WSB1: variants seen among roughly 807,000 people sequenced by gnomAD.
WSB1 encodes WD repeat and SOCS box-containing protein 1.
A neutral mutation model predicts 50.2 loss-of-function variants in WSB1; 23 were observed. That is an observed-to-expected ratio of 0.46 (90% confidence interval 0.33 to 0.65). The LOEUF (loss-of-function observed/expected upper bound fraction) is 0.65. Among genes scored for constraint, WSB1 ranks in the 30% least tolerant of loss-of-function variants. The pLI is 0.02. For missense variants in WSB1, 492 were observed against 522.3 expected (o/e 0.94, Z 0.56); for synonymous variants, 179 against 172.0 (o/e 1.04, Z -0.32).
At chr17:27,299,106 A>G (rs1212453837) in intron 1 of WSB1, among the ~76,000 whole-genome samples, 1 of 152,240 alleles carries the variant, frequency 6.6e-6, no homozygotes, top group Non-Finnish European at 1.5e-5. Flanking sequence ...AAAGGAACAA[A>G]TAAGGCTGTA....
At chr17:27,308,885 T>C in intron 5 of WSB1, 1 of 1,179,208 alleles carries the variant, frequency 8.5e-7, no homozygotes, top group Non-Finnish European at 1.0e-6. Context: ...AATTAACATT[T>C]AACAGAAACA....
At chr17:27,309,378 T>C (rs2017579790) in intron 6 of WSB1, 106 bp downstream of exon 6, 3 of 995,108 alleles carry the variant, frequency 3.0e-6, no homozygotes, top group Non-Finnish European at 4.3e-6. Flanking sequence ...CAGTCTATTC[T>C]AATTTAAAAT....
intron 4 of WSB1, 61 bp downstream of exon 4, chr17:27,304,972 A>G: frequency 6.3e-7 from 1 of 1,592,056 alleles, no homozygotes; most frequent in Non-Finnish European, 8.6e-7. Context: ...ATGGAGAGGT[A>G]TTGGGAACAT....
rs1400977199 is a variant in WSB1 at position 27,313,455 on chromosome 17, ACT to A, written c.*1089_*1090del. ...CATGGATTTAAAAAAAAAAAAAAAA[ACT>A]CTGTTTCTGCAGGGGATGATATTGG... On this transcript the variant is annotated 3_prime_UTR_variant, in exon 9 of 9. Coordinates refer to ENST00000262394, the MANE Select transcript of WSB1 (RefSeq NM_015626.10). The A allele has an allele frequency of 3.3e-5, 5 of 152,048 alleles. No individual in the cohort carries two copies. Among genetic ancestry groups the A allele is most frequent in the African/African-American group, 4.8e-5 (2 of 41,312 alleles). The allele number at this position is 152,048 out of a possible 1,614,324, so 9.4% of individuals were successfully genotyped here.
At chr17:27,298,680 G>A (rs1193441063) in intron 1 of WSB1, among the ~76,000 whole-genome samples, 2 of 151,938 alleles carry the variant, frequency 1.3e-5, no homozygotes, top group East Asian at 1.9e-4. Context: ...GTGAAACCCC[G>A]TCTCTACTAA....
At position 27,306,812 on chromosome 17, in the gene WSB1, A is replaced by G; in HGVS notation, c.641A>G (p.Gln214Arg). The change falls in exon 5 of 9, where the codon CAG becomes CGG. Residue 214 changes from glutamine to arginine, a missense_variant. Gln to Arg is a conservative substitution (Grantham distance 43). Transcript: ENST00000262394. ...GNMMKVLRGH[Q>R]NWVYSCAFSP... ...ATGATGAAAGTATTGAGGGGGCATC[A>G]GAATTGGGTGTACAGCTGTGCATTC... 1 of 1,614,194 alleles carries G rather than the reference A, an allele frequency of 6.2e-7. No homozygotes were observed. The highest frequency in any genetic ancestry group is 8.5e-7 in the Non-Finnish European group (1 of 1,180,032).
intron 4 of WSB1, among the ~76,000 whole-genome samples, chr17:27,305,113 G>A (rs1400876769): frequency 6.6e-6 from 1 of 152,148 alleles, no homozygotes; most frequent in Non-Finnish European, 1.5e-5. Context: ...ACAGTTATTC[G>A]AAGTAAATGA....
intron 3 of WSB1, chr17:27,303,896 T>C (rs2017338001): frequency 5.0e-6 from 2 of 399,128 alleles, no homozygotes; most frequent in South Asian, 5.6e-5. Context: ...GTTTAGTTAG[T>C]TGTCCTTTAT....
Position 27,298,427 on chromosome 17 carries a change from T to TA in WSB1, c.41-3352dup, listed in dbSNP as rs914353256. Among the ~76,000 whole-genome samples, 894 of 151,278 alleles carry TA rather than the reference T, an allele frequency of 5.9e-3. 8 individuals are homozygous for TA. Among genetic ancestry groups the TA allele is most frequent in the African/African-American group, 0.02 (808 of 41,234 alleles). On this transcript the variant is annotated intron_variant, in intron 1 of 8. Coordinates refer to ENST00000262394, the MANE Select transcript of WSB1 (RefSeq NM_015626.10). ...GATGTGGTTAAACAGGAATCCAAGT[T>TA]AAAAAAAAAGTGTGCCTGATGCAGT...
chr17:27,304,164 A>G (rs181647647), intron 3 of WSB1, among the ~76,000 whole-genome samples: 12 of 152,354 alleles, frequency 7.9e-5, no homozygotes, highest in Admixed American at 7.8e-4. Flanking sequence ...TTAAAGAAGC[A>G]TTAAAAGAAC....
Position 27,303,233 on chromosome 17 carries a change from A to G in WSB1, c.210-134A>G, listed in dbSNP as rs369643427. 154 of 997,706 alleles carry G rather than the reference A, an allele frequency of 1.5e-4. No individual in the cohort carries two copies. The African/African-American group carries it at 1.8e-3, about 12-fold the overall frequency. 61.8% of individuals were successfully genotyped at this position (997,706 alleles called of 1,614,324 possible). ...AATATCAACCTTTCCCTTCCTATCT[A>G]TAGGATTCTATTGTTATTTGGTGTC... On this transcript the variant is annotated intron_variant, in intron 2 of 8. Transcript: ENST00000262394.
At chr17:27,310,200 T>C (rs2017622530) in intron 7 of WSB1, 26 bp downstream of exon 7, 1 of 1,595,492 alleles carries the variant, frequency 6.3e-7, no homozygotes, top group East Asian at 2.2e-5. Context: ...ATAGCTTGAC[T>C]GACTTACTAT....
chr17:27,308,544 A>G (rs2017548675), intron 5 of WSB1: 1 of 985,734 alleles, frequency 1.0e-6, no homozygotes, highest in African/African-American at 1.7e-5. Flanking sequence ...TTGTTTGCCA[A>G]AGAAATTTCA....
At chr17:27,310,465 T>C (rs1410903121) in intron 7 of WSB1, among the ~76,000 whole-genome samples, 3 of 152,226 alleles carry the variant, frequency 2.0e-5, no homozygotes, top group African/African-American at 7.2e-5. Context: ...TAACAAAGGT[T>C]GAAGCAGAAG....
Position 27,310,197 on chromosome 17 carries a change from G to T in WSB1, c.998+23G>T. The T allele has an allele frequency of 1.9e-6, 3 of 1,600,900 alleles. No homozygotes were observed. In the South Asian group the frequency reaches 3.3e-5, roughly 18 times the overall value. On this transcript the variant is annotated intron_variant, in intron 7 of 8. Coordinates refer to ENST00000262394, the MANE Select transcript of WSB1 (RefSeq NM_015626.10). ...TAAGTAAGTATGTGCATTATAGCTT[G>T]ACTGACTTACTATTACCTTTTACAT... is the stretch of plus-strand genomic sequence containing the variant.
chr17:27,307,323 G>GT, intron 5 of WSB1: 1 of 216,354 alleles, frequency 4.6e-6, no homozygotes, highest in Non-Finnish European at 9.2e-6. Context: ...TAGCACTCAT[G>GT]TATGTCCTAC....
intron 5 of WSB1, chr17:27,308,006 C>G: frequency 8.2e-7 from 1 of 1,221,926 alleles, no homozygotes; most frequent in Non-Finnish European, 1.0e-6. Flanking sequence ...TACACTGACT[C>G]CTGAGTAAAT....
intron 5 of WSB1, chr17:27,307,663 A>G (rs923260667): frequency 1.1e-5 from 16 of 1,418,782 alleles, no homozygotes; most frequent in African/African-American, 4.3e-5. Flanking sequence ...TTTACAAATC[A>G]TAAGAAGAAC....
chr17:27,299,133 A>G (rs1284758248), intron 1 of WSB1, among the ~76,000 whole-genome samples: 1 of 152,212 alleles, frequency 6.6e-6, no homozygotes, highest in Non-Finnish European at 1.5e-5. Context: ...GGAAAATTGT[A>G]AGGAAACCTG....
Sources: allele counts gnomAD v4.1 joint callset (sites outside exome capture counted in the v4.1 genomes callset), GRCh38; gene constraint gnomAD v4.1.1; transcripts MANE v1.5; gene names NCBI Gene and HGNC (gene_info 2026-07-23, HGNC 2026-07-21).